The following FGFR3 variants were observed in gnomAD, a reference collection of about 807,000 sequenced individuals.
The protein encoded by FGFR3 is fibroblast growth factor receptor 3.
In FGFR3, 25 loss-of-function variants were observed where a neutral mutation model predicts 82.9. The observed-to-expected ratio is 0.30, with a 90% CI of 0.22 to 0.42. The LOEUF is 0.42. Among genes scored for constraint, FGFR3 ranks in the 10% least tolerant of loss-of-function variants. The probability of loss-of-function intolerance (pLI) is 1.00; values close to 1 mark genes in which losing one functional copy is unlikely to be tolerated. For synonymous variants in FGFR3, 620 were observed against 516.0 expected, an observed-to-expected ratio of 1.20 and a Z score of -2.73; for missense variants, 1,026 against 1,161.0, an observed-to-expected ratio of 0.88 and a Z score of 1.69.
chr4:1,793,763 C>T (rs534630398), intron 1 of FGFR3, 70 bp from the exon 2 acceptor site: 4 of 159,558 alleles, frequency 2.5e-5, no homozygotes, highest in Non-Finnish European at 5.4e-5. Context: ...GGGGTCGGGA[C>T]GCAGGAGCCG....
In FGFR3 at chr4:1,804,507, C is replaced by G. The variant is rs781361431; in HGVS notation, c.1253C>G (p.Pro418Arg). 6.2e-7 allele frequency: 1 copy of G among 1,612,714 alleles called. No individual in the cohort carries two copies. The highest frequency in any genetic ancestry group is 8.5e-7 in the Non-Finnish European group (1 of 1,179,940). ...SPTVHKISRF[P>R]LKRQVSLESN... ...ACCGTGCACAAGATCTCCCGCTTCC[C>G]GCTCAAGCGACAGGTAACAGAAAGT... Residue 418 changes from proline (P) to arginine (R), a missense_variant, in exon 9 of 18, where the codon CCG (proline) becomes CGG (arginine). This residue lies in a region of FGFR3 where 256 missense variants were observed against 217.6 expected (regional missense o/e 1.18). Transcript: ENST00000440486.
chr4:1,801,330 C>T (rs1460592855), intron 4 of FGFR3, 37 bp from the exon 5 acceptor site: 3 of 1,541,774 alleles, frequency 1.9e-6, no homozygotes, highest in South Asian at 1.2e-5. Flanking sequence ...TCTGCTCCCA[C>T]TCGGGTCATG....
In FGFR3 at chr4:1,805,539, G is replaced by A. The variant is rs113557371; in HGVS notation, c.1535-20G>A. 469 of 1,612,824 alleles carry A rather than the reference G, an allele frequency of 2.9e-4. 3 individuals carry two copies. The African/African-American group carries it at 5.8e-3, about 20-fold the overall frequency. ...GGGGCGCCGCCGCCGCCTGACACAG[G>A]CCCCCCGCTCCGTGCACAGACGATG... On this transcript the variant is annotated intron_variant, in intron 11 of 17. Transcript: ENST00000440486.
At chr4:1,797,982 C>T (rs551567822) in intron 2 of FGFR3, among the ~76,000 whole-genome samples, 36 of 152,270 alleles carry the variant, frequency 2.4e-4, no homozygotes, top group African/African-American at 8.2e-4. Context: ...GCAACCCGCC[C>T]AGCTGGGTCT....
intron 2 of FGFR3, among the ~76,000 whole-genome samples, chr4:1,794,689 G>T (rs1183962986): frequency 6.6e-6 from 1 of 152,118 alleles, no homozygotes; most frequent in African/African-American, 2.4e-5. Context: ...GGACGTCGAG[G>T]GTCTGAAGGG....
chr4:1,799,549 C>T (rs1446504477), intron 3 of FGFR3, 26 bp downstream of exon 3: 1 of 1,550,410 alleles, frequency 6.4e-7, no homozygotes, highest in Non-Finnish European at 8.7e-7. Flanking sequence ...ACGCCAGCTA[C>T]AGAAAGGAGC....
At position 1,804,245 on chromosome 4, in the gene FGFR3, TGCCTGCGGCTCTGGGCCAGGGGC is replaced by T. The variant is rs1721570487; in HGVS notation, c.1076-84_1076-62del. 2.1e-5 allele frequency: 31 copies of T among 1,459,940 alleles called. No individual in the cohort carries two copies. In the East Asian group the frequency reaches 6.8e-4, roughly 32 times the overall value. The allele number at this position is 1,459,940 out of a possible 1,614,324, so 90.4% of individuals were successfully genotyped here. A position where few individuals can be genotyped will look rare whatever the true frequency, so the allele number is the denominator to read the frequency against. On this transcript the variant is annotated intron_variant, in intron 8 of 17. Transcript: ENST00000440486. ...CTGAGCCCCCTTCCGCTCCCAGTGG[TGCCTGCGGCTCTGGGCCAGGGGC>T]ATCCATGGGAGCCCCGTGGGGGGGG...
At chr4:1,798,936 A>G (rs1200242209) in intron 2 of FGFR3, among the ~76,000 whole-genome samples, 3 of 152,142 alleles carry the variant, frequency 2.0e-5, no homozygotes, top group Non-Finnish European at 4.4e-5. Flanking sequence ...ACATTTTGTG[A>G]CACTTTGAGA....
intron 7 of FGFR3, chr4:1,803,041 TGAGCGTTCACGGGCCCC>T: frequency 6.3e-7 from 1 of 1,599,200 alleles, no homozygotes. Context: ...GCCTTTTGGC[TGAGCGTTCACGGGCCCC>T]GAGCAGGTAA....
At chr4:1,797,395 G>A (rs1197566868) in intron 2 of FGFR3, among the ~76,000 whole-genome samples, 3 of 152,198 alleles carry the variant, frequency 2.0e-5, no homozygotes, top group Admixed American at 6.5e-5. Flanking sequence ...GGCAGTGGGG[G>A]GGGCAGTCAG....
At chr4:1,793,618 C>T (rs1380820151) in intron 1 of FGFR3, among the ~76,000 whole-genome samples, 153 bp downstream of exon 1, 2 of 149,734 alleles carry the variant, frequency 1.3e-5, no homozygotes, top group African/African-American at 2.4e-5. Flanking sequence ...CCGCCGCCGC[C>T]CTGGGAGGGC....
Position 1,804,341 on chromosome 4 carries a change from C to T in FGFR3, c.1087C>T (p.Leu363=), listed in dbSNP as rs1021526749. 6.2e-7 allele frequency: 1 copy of T among 1,607,466 alleles called. No individual in the cohort carries two copies. Among genetic ancestry groups the T allele is most frequent in the Non-Finnish European group, 8.5e-7 (1 of 1,177,302 alleles). Reference sequence around the variant, plus strand: ...CCATGTCTTTGCAGCCGAGGAGGAGCTGGTGGAGGCTGACGAGGCGGGCAG... The same window carrying T: ...CCATGTCTTTGCAGCCGAGGAGGAGTTGGTGGAGGCTGACGAGGCGGGCAG... The part of the protein sequence containing the change: ...WLVVLPAEEE[L]VEADEAGSVY... The change falls in exon 9 of 18, where the codon CTG becomes TTG. Residue 363 remains leucine (L), a synonymous_variant. Coordinates refer to ENST00000440486, the MANE Select transcript of FGFR3 (RefSeq NM_000142.5).
In FGFR3 at chr4:1,807,783, C is replaced by T. The variant is rs759466924; in HGVS notation, c.*521C>T. On this transcript the variant is annotated 3_prime_UTR_variant, in exon 18 of 18. Coordinates refer to ENST00000440486, the MANE Select transcript of FGFR3 (RefSeq NM_000142.5). The stretch of plus-strand genomic sequence containing the variant: ...AGGCTTTCCCACTTCCCACCCTGCC[C>T]CTCAGAGACTGAAATTACGGGTACC... 15 of 528,378 alleles carry T rather than the reference C, an allele frequency of 2.8e-5. No homozygotes were observed. Among genetic ancestry groups the T allele is most frequent in the African/African-American group, 1.9e-4 (10 of 53,380 alleles). The allele number at this position is 528,378 out of a possible 1,614,324, so 32.7% of individuals were successfully genotyped here.
intron 12 of FGFR3, 26 bp downstream of exon 12, chr4:1,805,695 C>T (rs3135896): frequency 9.9e-6 from 16 of 1,611,324 alleles, no homozygotes; most frequent in East Asian, 6.7e-5. Flanking sequence ...GCGGTGGTGC[C>T]GGCTGGGCGG....
chr4:1,805,846 C>CCTG lies in FGFR3; in HGVS notation c.1744_1746dup (p.Cys582dup). On this transcript the variant is annotated inframe_insertion, in exon 13 of 18. Coordinates refer to ENST00000440486, the MANE Select transcript of FGFR3 (RefSeq NM_000142.5). The stretch of plus-strand genomic sequence containing the variant: ...CCGGGCCTGGACTACTCCTTCGACA[C>CCTG]CTGCAAGCCGCCCGAGGAGCAGCTC... 1 of 1,612,606 alleles carries CCTG rather than the reference C, an allele frequency of 6.2e-7. No homozygotes were observed. Among genetic ancestry groups the CCTG allele is most frequent in the Non-Finnish European group, 8.5e-7 (1 of 1,179,884 alleles).
chr4:1,796,400 C>G (rs1408144149), intron 2 of FGFR3, among the ~76,000 whole-genome samples: 4 of 152,114 alleles, frequency 2.6e-5, no homozygotes, highest in African/African-American at 4.8e-5. Flanking sequence ...TTTGGGGGCC[C>G]CCTCCTCTTA....
Position 1,793,962 on chromosome 4 carries a change from C to G in FGFR3, c.28C>G (p.Leu10Val), listed in dbSNP as rs918934226. MGAPACALA[L>V]CVAVAIVAGA... is the part of the protein sequence containing the mutation. ...GGGCGCCCCTGCCTGCGCCCTCGCG[C>G]TCTGCGTGGCCGTGGCCATCGTGGC... Residue 10 changes from leucine (L) to valine (V), a missense_variant, in exon 2 of 18, where the codon CTC becomes GTC. Around this residue, in one of 9 missense-constraint regions of FGFR3, gnomAD observed 226 missense variants for 222.0 expected, o/e 1.02. Transcript: ENST00000440486. The G allele has an allele frequency of 2.2e-6, 3 of 1,364,562 alleles. No homozygotes were observed. The highest frequency in any genetic ancestry group is 2.9e-6 in the Non-Finnish European group (3 of 1,045,870). 84.5% of individuals were successfully genotyped at this position (1,364,562 alleles called of 1,614,324 possible).
Position 1,803,684 on chromosome 4 carries a change from CTT to C in FGFR3, c.931-6_931-5del. The C allele has an allele frequency of 6.2e-7, 1 of 1,613,376 alleles. No homozygotes were observed. The highest frequency in any genetic ancestry group is 8.5e-7 in the Non-Finnish European group (1 of 1,179,898). On this transcript the variant is annotated splice_polypyrimidine_tract_variant and splice_region_variant and intron_variant, in intron 7 of 17. Coordinates refer to ENST00000440486, the MANE Select transcript of FGFR3 (RefSeq NM_000142.5). ...GCGCTCGCCTATCGCTCTGCTCTCT[CTT>C]TGTAGACGGCGGGCGCTAACACCAC...
chr4:1,807,785 T>A lies in FGFR3; in HGVS notation c.*523T>A. 1 of 526,450 alleles carries A rather than the reference T, an allele frequency of 1.9e-6. No individual in the cohort carries two copies. The highest frequency in any genetic ancestry group is 1.6e-5 in the South Asian group (1 of 62,122). 32.6% of individuals were successfully genotyped at this position (526,450 alleles called of 1,614,324 possible). A position where few individuals can be genotyped will look rare whatever the true frequency, so the allele number is the denominator to read the frequency against. ...GCTTTCCCACTTCCCACCCTGCCCC[T>A]CAGAGACTGAAATTACGGGTACCTG... On this transcript the variant is annotated 3_prime_UTR_variant, in exon 18 of 18. Coordinates refer to ENST00000440486, the MANE Select transcript of FGFR3 (RefSeq NM_000142.5).
Sources: allele counts gnomAD v4.1 joint callset (sites outside exome capture counted in the v4.1 genomes callset), GRCh38; gene constraint gnomAD v4.1.1; regional missense constraint gnomAD v4.1.1; transcripts MANE v1.5; gene names NCBI Gene and HGNC (gene_info 2026-07-23, HGNC 2026-07-21).